Variants in LRBA observed in about 807,000 individuals in gnomAD.
The protein encoded by LRBA is LPS responsive beige-like anchor protein.
Under a neutral mutation model 330.0 loss-of-function variants are expected in LRBA, and 176 were observed. That is an observed-to-expected ratio of 0.53 (90% CI 0.47 to 0.60). The LOEUF (loss-of-function observed/expected upper bound fraction) is 0.60, where lower values mean the gene tolerates loss of function less well. LRBA is among the 20% of genes least tolerant of loss of function. The probability of loss-of-function intolerance (pLI) is 0.00; values close to 1 mark genes in which losing one functional copy is unlikely to be tolerated. For synonymous variants in LRBA, 1,230 were observed against 1,193.0 expected, an observed-to-expected ratio of 1.03 and a Z score of -0.64; for missense variants, 3,259 against 3,444.8, an observed-to-expected ratio of 0.95 and a Z score of 1.35.
At chr4:150,812,503 T>C (rs1270809000) in intron 31 of LRBA, among the ~76,000 whole-genome samples, 1 of 152,210 alleles carries the variant, frequency 6.6e-6, no homozygotes, top group African/African-American at 2.4e-5. Context: ...CTAAACACTT[T>C]AGCACTGCAT....
chr4:150,533,147 A>C (rs770504865), intron 40 of LRBA, among the ~76,000 whole-genome samples: 11 of 152,070 alleles, frequency 7.2e-5, no homozygotes, highest in Non-Finnish European at 1.3e-4. Context: ...TGAGCACCCG[A>C]ACTCTACTAC....
At chr4:150,711,615 A>C (rs1045106194) in intron 36 of LRBA, among the ~76,000 whole-genome samples, 5 of 152,222 alleles carry the variant, frequency 3.3e-5, no homozygotes, top group Non-Finnish European at 4.4e-5. Context: ...GTCAAAGCAA[A>C]GTGCCAAGTT....
intron 35 of LRBA, among the ~76,000 whole-genome samples, chr4:150,753,694 T>C (rs1226690772): frequency 1.3e-5 from 2 of 152,168 alleles, no homozygotes; most frequent in Admixed American, 1.3e-4. Context: ...TCTAGTAGAA[T>C]TTAGCATTTT....
intron 2 of LRBA, among the ~76,000 whole-genome samples, chr4:150,944,896 A>G (rs1311986440): frequency 2.0e-5 from 3 of 152,156 alleles, no homozygotes; most frequent in African/African-American, 7.2e-5. Context: ...AATAAGTCTC[A>G]CAAGATCTGA....
chr4:150,530,746 G>A (rs1001052051), intron 40 of LRBA, among the ~76,000 whole-genome samples: 3 of 152,142 alleles, frequency 2.0e-5, no homozygotes, highest in Admixed American at 1.3e-4. Flanking sequence ...GGGGAAACCT[G>A]ACACAATTAC....
At chr4:150,965,242 G>A (rs1225004729) in intron 2 of LRBA, among the ~76,000 whole-genome samples, 1 of 151,942 alleles carries the variant, frequency 6.6e-6, no homozygotes, top group Non-Finnish European at 1.5e-5. Context: ...CAGTAAACAG[G>A]GGTCAAGACA....
intron 34 of LRBA, among the ~76,000 whole-genome samples, chr4:150,772,020 CT>C (rs1205599477): frequency 1.3e-5 from 2 of 152,162 alleles, no homozygotes; most frequent in African/African-American, 4.8e-5. Flanking sequence ...TTCCCCTAAA[CT>C]TTTTTTGTCA....
At chr4:150,299,456 C>CA (rs1402261498) in intron 53 of LRBA, among the ~76,000 whole-genome samples, 1 of 151,866 alleles carries the variant, frequency 6.6e-6, no homozygotes, top group African/African-American at 2.4e-5. Context: ...TTTAAAGCCC[C>CA]AAATTACAGT....
chr4:150,571,764 T>C (rs981390045), intron 40 of LRBA, among the ~76,000 whole-genome samples: 1 of 149,048 alleles, frequency 6.7e-6, no homozygotes, highest in Non-Finnish European at 1.5e-5. Flanking sequence ...AGACAAACTC[T>C]GGTTCTGTAC....
chr4:150,862,718 T>C (rs1205393988), intron 22 of LRBA, among the ~76,000 whole-genome samples: 1 of 149,208 alleles, frequency 6.7e-6, no homozygotes, highest in East Asian at 2.0e-4. Context: ...CACGCACGCC[T>C]GTAATCCTAA....
intron 54 of LRBA, among the ~76,000 whole-genome samples, chr4:150,285,563 C>T (rs571511243): frequency 5.3e-5 from 8 of 152,244 alleles, no homozygotes; most frequent in South Asian, 4.1e-4. Flanking sequence ...TATACAAAGA[C>T]GTTCCTTGTT....
intron 40 of LRBA, among the ~76,000 whole-genome samples, chr4:150,493,868 C>A (rs1281095810): frequency 6.6e-6 from 1 of 152,006 alleles, no homozygotes; most frequent in Non-Finnish European, 1.5e-5. Flanking sequence ...TTTGGGAGGC[C>A]AAGATGGGAG....
At chr4:150,554,349 C>T (rs756032091) in intron 40 of LRBA, among the ~76,000 whole-genome samples, 10 of 152,234 alleles carry the variant, frequency 6.6e-5, no homozygotes, top group East Asian at 1.9e-4. Context: ...TTGGATACTG[C>T]GCTGGAGCAA....
chr4:150,544,008 G>A (rs970936001), intron 40 of LRBA, among the ~76,000 whole-genome samples: 2 of 152,098 alleles, frequency 1.3e-5, no homozygotes, highest in African/African-American at 4.8e-5. Flanking sequence ...CTAGCTTACT[G>A]CTCTTCAGTA....
intron 47 of LRBA, among the ~76,000 whole-genome samples, chr4:150,398,518 T>C (rs1745048763): frequency 6.6e-6 from 1 of 152,238 alleles, no homozygotes; most frequent in African/African-American, 2.4e-5. Context: ...TTTTTACTTC[T>C]GAATAATTAA....
At chr4:150,916,357 A>C in intron 7 of LRBA, 44 bp downstream of exon 7, 1 of 1,590,100 alleles carries the variant, frequency 6.3e-7, no homozygotes. Context: ...TTTGATGACT[A>C]GCATAGCTTG....
intron 2 of LRBA, among the ~76,000 whole-genome samples, chr4:150,935,086 G>C (rs755171839): frequency 1.3e-5 from 2 of 150,328 alleles, no homozygotes; most frequent in Non-Finnish European, 2.9e-5. Context: ...TGAGGCAGGA[G>C]AATCGCTTGA....
intron 40 of LRBA, among the ~76,000 whole-genome samples, chr4:150,527,300 C>T (rs1763582361): frequency 6.6e-6 from 1 of 152,060 alleles, no homozygotes; most frequent in Admixed American, 6.6e-5. Flanking sequence ...GGGCTCTGTA[C>T]CTGAGGGAAG....
chr4:150,614,556 T>C (rs968207745), intron 37 of LRBA, among the ~76,000 whole-genome samples: 4 of 152,170 alleles, frequency 2.6e-5, no homozygotes, highest in Non-Finnish European at 5.9e-5. Context: ...AATAAGGGTA[T>C]GAAAGAAAAG....
Sources: gnomAD v4.1 joint callset for allele counts (sites outside exome capture counted in the v4.1 genomes callset) on GRCh38, gnomAD v4.1.1 for gene constraint, MANE v1.5 for transcripts, NCBI Gene and HGNC (gene_info 2026-07-23, HGNC 2026-07-21) for gene names.